The following SYT11 variants were observed in gnomAD, a reference collection of about 807,000 sequenced individuals.
SYT11 encodes the protein synaptotagmin-11.
Under a neutral mutation model 30.4 loss-of-function variants are expected in SYT11, and 12 were observed. The observed-to-expected ratio is 0.39, with a 90% confidence interval of 0.25 to 0.64. The LOEUF is 0.64. Among genes scored for constraint, SYT11 ranks in the 30% least tolerant of loss-of-function variants. The pLI is 0.45. For missense variants in SYT11, 412 were observed against 552.0 expected (o/e 0.75, Z 2.54); for synonymous variants, 204 against 216.0 (o/e 0.94, Z 0.49).
At chr1:155,861,654 T>C (rs1349114484) in intron 1 of SYT11, among the ~76,000 whole-genome samples, 1 of 152,214 alleles carries the variant, frequency 6.6e-6, no homozygotes, top group Non-Finnish European at 1.5e-5. Context: ...GTTTCGATCT[T>C]GTTGCCCAGG....
Position 155,885,150 on chromosome 1 carries a change from T to C in SYT11, c.*3642T>C, listed in dbSNP as rs536572889. 6.6e-6 allele frequency: 1 copy of C among 152,536 alleles called. No homozygotes were observed. Among genetic ancestry groups the C allele is most frequent in the African/African-American group, 2.4e-5 (1 of 41,564 alleles). The allele number at this position is 152,536 out of a possible 1,614,324, so 9.4% of individuals were successfully genotyped here. The stretch of plus-strand genomic sequence containing the variant: ...ATGCTATCTTGTATGTTGAATTTGT[T>C]AATGCACCACACAAGTGCAAAATAA... On this transcript the variant is annotated 3_prime_UTR_variant, in exon 4 of 4. Coordinates refer to ENST00000368324, the MANE Select transcript of SYT11 (RefSeq NM_152280.5).
At chr1:155,871,289 C>A (rs1175977002) in intron 2 of SYT11, among the ~76,000 whole-genome samples, 2 of 152,200 alleles carry the variant, frequency 1.3e-5, no homozygotes, top group Non-Finnish European at 1.5e-5. Context: ...CCTCAGGGCT[C>A]TGCCGACCCA....
chr1:155,862,791 A>G lies in SYT11; in HGVS notation c.34+2996A>G, dbSNP rs796993970. Among the ~76,000 whole-genome samples, 17 of 152,344 alleles carry G rather than the reference A, an allele frequency of 1.1e-4. 1 individual carries two copies. Among genetic ancestry groups the G allele is most frequent in the African/African-American group, 4.1e-4 (17 of 41,584 alleles). ...GTTTGCTGTGTTCCTCTTCTCATAGAGACAGTGTTCAGTTTCACTAATGAG... is the reference window on the plus strand; with the variant it reads ...GTTTGCTGTGTTCCTCTTCTCATAGGGACAGTGTTCAGTTTCACTAATGAG... On this transcript the variant is annotated intron_variant, in intron 1 of 3. Coordinates refer to ENST00000368324, the MANE Select transcript of SYT11 (RefSeq NM_152280.5).
Position 155,880,638 on chromosome 1 carries a change from C to T in SYT11, c.985+15C>T. The stretch of plus-strand genomic sequence containing the variant: ...TCTCTCAGGTAGCAGCTATTTACTT[C>T]AACCTATTTCTTACTGTCTGAACCA... On this transcript the variant is annotated intron_variant, in intron 3 of 3. Coordinates refer to ENST00000368324, the MANE Select transcript of SYT11 (RefSeq NM_152280.5). The T allele has an allele frequency of 1.2e-6, 2 of 1,613,398 alleles. No homozygotes were observed. Among genetic ancestry groups the T allele is most frequent in the Non-Finnish European group, 1.7e-6 (2 of 1,179,530 alleles).
chr1:155,882,082 C>T lies in SYT11; in HGVS notation c.*574C>T, dbSNP rs1243674519. 2.0e-5 allele frequency: 3 copies of T among 151,572 alleles called. No individual in the cohort carries two copies. The highest frequency in any genetic ancestry group is 7.3e-5 in the African/African-American group (3 of 41,152). The allele number at this position is 151,572 out of a possible 1,614,324, so 9.4% of individuals were successfully genotyped here. ...ATGGGGGACAAAAGAGAGGGAAAGA[C>T]CCCTATAAATCTATATATAACAATG... is the stretch of plus-strand genomic sequence containing the variant. On this transcript the variant is annotated 3_prime_UTR_variant, in exon 4 of 4. Coordinates refer to ENST00000368324, the MANE Select transcript of SYT11 (RefSeq NM_152280.5).
In SYT11 at chr1:155,867,314, C is replaced by T. The variant is rs185341461; in HGVS notation, c.35-651C>T. Among the ~76,000 whole-genome samples the T allele has an allele frequency of 2.0e-4, 31 of 152,302 alleles. 1 individual carries two copies. Among genetic ancestry groups the T allele is most frequent in the Admixed American group, 1.6e-3 (25 of 15,294 alleles). On this transcript the variant is annotated intron_variant, in intron 1 of 3. Coordinates refer to ENST00000368324, the MANE Select transcript of SYT11 (RefSeq NM_152280.5). Reference sequence around the variant, plus strand: ...CCTCAAATGATCCACCTGCCTCAGCCTCCCAAAGTGCCGGGATTACAGGTG... The same window carrying T: ...CCTCAAATGATCCACCTGCCTCAGCTTCCCAAAGTGCCGGGATTACAGGTG...
At chr1:155,871,175 G>A (rs888941753) in intron 2 of SYT11, among the ~76,000 whole-genome samples, 5 of 152,288 alleles carry the variant, frequency 3.3e-5, no homozygotes, top group Admixed American at 6.5e-5. Flanking sequence ...CAGCCCTGAA[G>A]GGGTTTTCGC....
At position 155,881,365 on chromosome 1, in the gene SYT11, G is replaced by T; in HGVS notation, c.1153G>T (p.Asp385Tyr). ...ISIEFLVIDF[D>Y]RTTKNEVVGR... ...CATCGAGTTCCTCGTTATCGACTTC[G>T]ATCGCACCACCAAGAATGAGGTGGT... is the stretch of plus-strand genomic sequence containing the variant. Residue 385 changes from aspartate (D) to tyrosine (Y), a missense_variant, in exon 4 of 4, where the codon GAT becomes TAT. By Grantham distance (160) the Asp-to-Tyr change is radical. Transcript: ENST00000368324. The T allele has an allele frequency of 6.2e-7, 1 of 1,614,062 alleles. No homozygotes were observed. Among genetic ancestry groups the T allele is most frequent in the Non-Finnish European group, 8.5e-7 (1 of 1,180,006 alleles).
intron 2 of SYT11, among the ~76,000 whole-genome samples, chr1:155,879,262 C>T (rs570578011): frequency 6.6e-6 from 1 of 151,510 alleles, no homozygotes; most frequent in Admixed American, 6.6e-5. Flanking sequence ...ACTAAGAATA[C>T]AAAAATTAGC....
chr1:155,873,876 T>C (rs913987905), intron 2 of SYT11, among the ~76,000 whole-genome samples: 4 of 152,258 alleles, frequency 2.6e-5, no homozygotes, highest in Non-Finnish European at 4.4e-5. Context: ...CTTTTCCATA[T>C]GGGATTACTT....
At position 155,881,499 on chromosome 1, in the gene SYT11, C is replaced by T. The variant is rs1271161641; in HGVS notation, c.1287C>T (p.Ser429=). 1.9e-6 allele frequency: 3 copies of T among 1,604,820 alleles called. No individual in the cohort carries two copies. Among genetic ancestry groups the T allele is most frequent in the Non-Finnish European group, 2.6e-6 (3 of 1,173,220 alleles). Residue 429 remains serine (S), a synonymous_variant, in exon 4 of 4, where the codon AGC becomes AGT. Coordinates refer to ENST00000368324, the MANE Select transcript of SYT11 (RefSeq NM_152280.5). Reference sequence around the variant, plus strand: ...CTGTGGCCAAGTGGCACAGTCTGAGCGAGTACTAATCCTGTTCTTCTCTCC... The same window carrying T: ...CTGTGGCCAAGTGGCACAGTCTGAGTGAGTACTAATCCTGTTCTTCTCTCC... ...RKPVAKWHSL[S]EY is the part of the protein sequence containing the mutation.
At chr1:155,871,843 A>G (rs910476538) in intron 2 of SYT11, among the ~76,000 whole-genome samples, 11 of 152,144 alleles carry the variant, frequency 7.2e-5, no homozygotes, top group Non-Finnish European at 1.6e-4. Flanking sequence ...CATGGCTGTC[A>G]TCTCCCTAGT....
Position 155,860,704 on chromosome 1 carries a change from G to T in SYT11, c.34+909G>T, listed in dbSNP as rs1054466204. Among the ~76,000 whole-genome samples, 1 of 152,190 alleles carries T rather than the reference G, an allele frequency of 6.6e-6. No individual in the cohort carries two copies. Among genetic ancestry groups the T allele is most frequent in the African/African-American group, 2.4e-5 (1 of 41,456 alleles). On this transcript the variant is annotated intron_variant, in intron 1 of 3. Transcript: ENST00000368324. This position sits in a 1 kb window ranked among gnomAD's most constrained non-coding sequence, Gnocchi z 4.1. ...TTCAGAGCGGCTGGTCCCCGACCCA[G>T]CCCTGTGGGCTCCAAGATTAGTTTT...
intron 1 of SYT11, 111 bp from the exon 2 acceptor site, chr1:155,867,854 T>C: frequency 1.2e-6 from 1 of 844,950 alleles, no homozygotes. Flanking sequence ...CATTTTGCTT[T>C]AGAGGCTAGA....
At chr1:155,863,241 G>T (rs1473932310) in intron 1 of SYT11, among the ~76,000 whole-genome samples, 1 of 151,948 alleles carries the variant, frequency 6.6e-6, no homozygotes, top group East Asian at 1.9e-4. Context: ...GGATCTTGAG[G>T]CCAGGAATTC....
rs372031411 is a variant in SYT11 at position 155,868,740 on chromosome 1, C to G, written c.810C>G (p.Pro270=). The part of the protein sequence containing the change: ...EVMVPLAGVD[P]STGKVQLTRD... ...TGGTGCCACTGGCAGGGGTGGACCCCAGCACAGGCAAGGTACAACTGACCA... is the reference window on the plus strand; with the variant it reads ...TGGTGCCACTGGCAGGGGTGGACCCGAGCACAGGCAAGGTACAACTGACCA... The change falls in exon 2 of 4, where the codon CCC becomes CCG. Residue 270 remains proline (P), a synonymous_variant. Coordinates refer to ENST00000368324, the MANE Select transcript of SYT11 (RefSeq NM_152280.5). The surrounding 1 kb of genome is among the most constrained non-coding windows in gnomAD (Gnocchi z 4.7). 1 of 1,614,070 alleles carries G rather than the reference C, an allele frequency of 6.2e-7. No individual in the cohort carries two copies. The highest frequency in any genetic ancestry group is 8.5e-7 in the Non-Finnish European group (1 of 1,180,046).
chr1:155,859,876 T>C (rs957881843), intron 1 of SYT11, 81 bp downstream of exon 1: 4 of 1,359,762 alleles, frequency 2.9e-6, no homozygotes, highest in Admixed American at 3.4e-5. Context: ...GGGCAGAGAA[T>C]GCAGCCCAGA....
intron 2 of SYT11, among the ~76,000 whole-genome samples, chr1:155,870,016 G>T (rs931571961): frequency 3.3e-5 from 5 of 152,146 alleles, no homozygotes; most frequent in African/African-American, 1.2e-4. Context: ...TCCTTACAGA[G>T]AATCAAATGA....
chr1:155,882,729 C>T lies in SYT11; in HGVS notation c.*1221C>T, dbSNP rs1177430874. ...AGGAGAGGAGACAAGTGACGACAGC[C>T]ATTCCCCTTTGCAGCTATCTACTGT... On this transcript the variant is annotated 3_prime_UTR_variant, in exon 4 of 4. Coordinates refer to ENST00000368324, the MANE Select transcript of SYT11 (RefSeq NM_152280.5). The T allele has an allele frequency of 6.6e-6, 1 of 152,374 alleles. No homozygotes were observed. Among genetic ancestry groups the T allele is most frequent in the Non-Finnish European group, 1.5e-5 (1 of 68,078 alleles). The allele number at this position is 152,374 out of a possible 1,614,324, so 9.4% of individuals were successfully genotyped here.
Sources: gnomAD v4.1 joint callset for allele counts (sites outside exome capture counted in the v4.1 genomes callset) on GRCh38, gnomAD v4.1.1 for gene constraint, Gnocchi (gnomAD v3.1) non-coding constraint, MANE v1.5 for transcripts, NCBI Gene and HGNC (gene_info 2026-07-23, HGNC 2026-07-21) for gene names.